CACNA1D: variants seen among roughly 807,000 people sequenced by gnomAD.
The protein encoded by CACNA1D is calcium voltage-gated channel subunit alpha1 D.
A neutral mutation model predicts 257.1 loss-of-function variants in CACNA1D; 55 were observed. That is an observed-to-expected ratio of 0.21 (90% CI 0.17 to 0.27). The LOEUF is 0.27. Among genes scored for constraint, CACNA1D ranks in the 10% least tolerant of loss-of-function variants. The pLI, the probability that CACNA1D is intolerant of heterozygous loss-of-function variation, is 1.00. For missense variants in CACNA1D, 1,876 were observed against 2,784.0 expected (o/e 0.67, Z 7.34); for synonymous variants, 980 against 1,014.9 (o/e 0.97, Z 0.65).
At chr3:53,623,040 C>T (rs906191229) in intron 3 of CACNA1D, among the ~76,000 whole-genome samples, 4 of 152,094 alleles carry the variant, frequency 2.6e-5, no homozygotes, top group Admixed American at 6.5e-5. Flanking sequence ...TACAGGCGCT[C>T]GCCAACACGT....
At chr3:53,783,710 G>T (rs2095438024) in intron 39 of CACNA1D, among the ~76,000 whole-genome samples, 1 of 152,214 alleles carries the variant, frequency 6.6e-6, no homozygotes, top group South Asian at 2.1e-4. Flanking sequence ...AGAGTTGCCG[G>T]ACAGGGCTTG....
At chr3:53,742,620 C>T (rs776552544) in intron 21 of CACNA1D, among the ~76,000 whole-genome samples, 83 of 152,242 alleles carry the variant, frequency 5.5e-4, no homozygotes, top group Non-Finnish European at 1.1e-3. Flanking sequence ...AAGGTAGGCT[C>T]TACCAGGGCC....
intron 3 of CACNA1D, among the ~76,000 whole-genome samples, chr3:53,508,793 T>C (rs1450250314): frequency 6.6e-6 from 1 of 152,096 alleles, no homozygotes; most frequent in Non-Finnish European, 1.5e-5. Flanking sequence ...CCAGTGGCGG[T>C]GGGGACACGC....
Position 53,801,233 on chromosome 3 carries a change from A to G in CACNA1D, c.5216A>G (p.Asn1739Ser), listed in dbSNP as rs1365305531. 1 of 1,613,920 alleles carries G rather than the reference A, an allele frequency of 6.2e-7. No homozygotes were observed. The highest frequency in any genetic ancestry group is 8.5e-7 in the Non-Finnish European group (1 of 1,179,964). Residue 1739 changes from asparagine to serine, a missense_variant, in exon 42 of 48, where the codon AAC becomes AGC. Transcript: ENST00000350061. ...FPPAGNSVCH[N>S]HHNHNSIGKQ... ...CCAGCAGGAAATTCGGTGTGTCATA[A>G]CCATCATAACCATAATTCCATAGGA... is the stretch of plus-strand genomic sequence containing the variant.
chr3:53,771,690 T>C (rs2095367156), intron 32 of CACNA1D, among the ~76,000 whole-genome samples: 1 of 152,266 alleles, frequency 6.6e-6, no homozygotes, highest in Non-Finnish European at 1.5e-5. Context: ...TCAGAGGTAA[T>C]GTTATCTCAC....
Position 53,805,017 on chromosome 3 carries a change from A to G in CACNA1D, c.5620A>G (p.Arg1874Gly), listed in dbSNP as rs953733167. 6.2e-7 allele frequency: 1 copy of G among 1,614,168 alleles called. No homozygotes were observed. The change falls in exon 45 of 48, where the codon AGA becomes GGA. Residue 1874 changes from arginine (R) to glycine (G), a missense_variant. Around this residue, in one of 10 missense-constraint regions of CACNA1D, gnomAD observed 491 missense variants for 554.3 expected, o/e 0.89. Coordinates refer to ENST00000350061, the MANE Select transcript of CACNA1D (RefSeq NM_001128840.3). ...NYGYYSRYPG[R>G]NIDSERPRGY... ...TGGCTACTACAGCAGATACCCAGGC[A>G]GAAACATCGACTCTGAGAGGCCCCG...
intron 47 of CACNA1D, among the ~76,000 whole-genome samples, chr3:53,810,853 CAT>C (rs1447164473): frequency 2.7e-5 from 4 of 150,386 alleles, no homozygotes; most frequent in African/African-American, 9.9e-5. Flanking sequence ...GCTGTTCCGG[CAT>C]ATGTTTCTAG....
intron 9 of CACNA1D, among the ~76,000 whole-genome samples, chr3:53,708,201 G>A (rs77137352): frequency 0.031 from 4,698 of 152,316 alleles, 258 homozygotes; most frequent in African/African-American, 0.11. Flanking sequence ...GCAATTTGCT[G>A]GTCCTGTTTT....
intron 39 of CACNA1D, among the ~76,000 whole-genome samples, chr3:53,784,624 G>A (rs2095443124): frequency 6.6e-6 from 1 of 152,202 alleles, no homozygotes; most frequent in Non-Finnish European, 1.5e-5. Context: ...GGAATGGGGT[G>A]TGGGTCTTCT....
intron 3 of CACNA1D, among the ~76,000 whole-genome samples, chr3:53,641,624 C>G (rs143619999): frequency 1.7e-3 from 258 of 152,196 alleles, no homozygotes; most frequent in African/African-American, 6.0e-3. Context: ...GTACCCTCTG[C>G]CAAGGGAGCT....
intron 4 of CACNA1D, among the ~76,000 whole-genome samples, chr3:53,656,617 T>C (rs892085797): frequency 2.6e-5 from 4 of 152,172 alleles, no homozygotes; most frequent in Non-Finnish European, 5.9e-5. Flanking sequence ...CAAAAGACAG[T>C]GTGAAGACAA....
chr3:53,650,337 T>G (rs557249659), intron 3 of CACNA1D, among the ~76,000 whole-genome samples: 1 of 152,338 alleles, frequency 6.6e-6, no homozygotes, highest in Non-Finnish European at 1.5e-5. Context: ...CAGATGCATC[T>G]TCATTTTTTC....
At position 53,666,334 on chromosome 3, in the gene CACNA1D, T is replaced by C; in HGVS notation, c.920-5T>C. The C allele has an allele frequency of 1.2e-6, 2 of 1,613,456 alleles. No homozygotes were observed. The highest frequency in any genetic ancestry group is 1.7e-6 in the Non-Finnish European group (2 of 1,179,742). On this transcript the variant is annotated splice_polypyrimidine_tract_variant and splice_region_variant and intron_variant, in intron 6 of 47. Coordinates refer to ENST00000350061, the MANE Select transcript of CACNA1D (RefSeq NM_001128840.3). ...AGCGGTACAGCCTGTTTGCTCTGTTTGCAGATATCGTAGCTGAAGAGGACC... is the reference window on the plus strand; with the variant it reads ...AGCGGTACAGCCTGTTTGCTCTGTTCGCAGATATCGTAGCTGAAGAGGACC...
chr3:53,679,344 T>C (rs1441914265), intron 8 of CACNA1D: 1 of 137,256 alleles, frequency 7.3e-6, no homozygotes, highest in Non-Finnish European at 1.5e-5. Context: ...CAGCATCTAC[T>C]GACAGAAAAT....
chr3:53,753,133 CT>C (rs1192510542), intron 28 of CACNA1D, among the ~76,000 whole-genome samples: 2 of 152,160 alleles, frequency 1.3e-5, no homozygotes, highest in Non-Finnish European at 1.5e-5. Context: ...ATGAAAAGGA[CT>C]GTGTGCTGAC....
intron 3 of CACNA1D, among the ~76,000 whole-genome samples, chr3:53,509,634 T>G (rs1383326562): frequency 6.6e-6 from 1 of 152,116 alleles, no homozygotes; most frequent in Non-Finnish European, 1.5e-5. Flanking sequence ...AGGTGCAGAC[T>G]GCTCAGTGAG....
chr3:53,518,546 TA>T (rs2091433562), intron 3 of CACNA1D, among the ~76,000 whole-genome samples: 1 of 152,158 alleles, frequency 6.6e-6, no homozygotes, highest in African/African-American at 2.4e-5. Context: ...AACCCACACA[TA>T]GGGCTCCCAT....
chr3:53,686,429 C>T (rs1476435386), intron 8 of CACNA1D, among the ~76,000 whole-genome samples: 2 of 151,896 alleles, frequency 1.3e-5, no homozygotes, highest in Non-Finnish European at 2.9e-5. Flanking sequence ...TTAATTTGGA[C>T]ACAAAAATTC....
At chr3:53,663,798 T>TCTCTCTC in intron 5 of CACNA1D, among the ~76,000 whole-genome samples, 1 of 151,764 alleles carries the variant, frequency 6.6e-6, no homozygotes, top group African/African-American at 2.4e-5. Flanking sequence ...TCTCTCTCTC[T>TCTCTCTC]TTTTTTTGGA....
Sources: gnomAD v4.1 joint callset for allele counts (sites outside exome capture counted in the v4.1 genomes callset) on GRCh38, gnomAD v4.1.1 for gene constraint, gnomAD v4.1.1 regional missense constraint, MANE v1.5 for transcripts, NCBI Gene and HGNC (gene_info 2026-07-23, HGNC 2026-07-21) for gene names.